The following CAPSL variants were observed in gnomAD, a reference collection of about 807,000 sequenced individuals.
CAPSL encodes the protein calcyphosin-like protein.
A neutral mutation model predicts 21.3 loss-of-function variants in CAPSL; 17 were observed. The observed-to-expected ratio is 0.80, with a 90% CI of 0.55 to 1.20. CAPSL has a LOEUF of 1.20. CAPSL is among the 50% of genes most tolerant of loss of function. The pLI is 0.00. For missense variants in CAPSL, 289 were observed against 259.3 expected, an observed-to-expected ratio of 1.11 and a Z score of -0.79; for synonymous variants, 102 against 89.3, an observed-to-expected ratio of 1.14 and a Z score of -0.80.
intron 2 of CAPSL, among the ~76,000 whole-genome samples, chr5:35,912,629 A>G (rs932268770): frequency 1.3e-4 from 20 of 152,260 alleles, no homozygotes; most frequent in Non-Finnish European, 2.8e-4. Flanking sequence ...GCAAACTCCA[A>G]CAGACCTGCA....
rs762377720 is a variant in CAPSL, at chr5:35,910,031, A to G, written c.360T>C (p.Phe120=). 1.2e-6 allele frequency: 2 copies of G among 1,613,164 alleles called. No individual in the cohort carries two copies. The highest frequency in any genetic ancestry group is 1.7e-6 in the Non-Finnish European group (2 of 1,179,724). Residue 120 remains phenylalanine, a synonymous_variant, in exon 4 of 5, where the codon TTT becomes TTC. Transcript: ENST00000651391. ...CATCTCCAGTCTTGTCTAACTTTCT[A>G]AAAGCTTGCATGATTACCTCTTTTC... ...RARKEVIMQA[F]RKLDKTGDGV... is the part of the protein sequence containing the mutation.
chr5:35,904,511 G>GTCT lies in CAPSL; in HGVS notation c.*33_*34insAGA, dbSNP rs1267539867. The GTCT allele has an allele frequency of 2.0e-6, 3 of 1,477,134 alleles. No homozygotes were observed. Among genetic ancestry groups the GTCT allele is most frequent in the Non-Finnish European group, 2.8e-6 (3 of 1,060,654 alleles). The allele number at this position is 1,477,134 out of a possible 1,614,324, so 91.5% of individuals were successfully genotyped here. On this transcript the variant is annotated 3_prime_UTR_variant, in exon 5 of 5. Coordinates refer to ENST00000651391, the MANE Select transcript of CAPSL (RefSeq NM_001042625.2). ...GACATTTAGTCATTTGGAGCCACAT[G>GTCT]GCTGTCCCAGGGCCTGGTCCCCAGG...
chr5:35,905,226 C>A (rs930642079), intron 4 of CAPSL, among the ~76,000 whole-genome samples: 1 of 152,206 alleles, frequency 6.6e-6, no homozygotes, highest in Non-Finnish European at 1.5e-5. Context: ...CCACTCTACA[C>A]CCATGACCAT....
intron 2 of CAPSL, among the ~76,000 whole-genome samples, chr5:35,915,882 G>A (rs1266965335): frequency 6.6e-6 from 1 of 152,178 alleles, no homozygotes; most frequent in African/African-American, 2.4e-5. Flanking sequence ...ACAGGAGCAG[G>A]AAACAAATGG....
chr5:35,908,475 T>A (rs766220322), intron 4 of CAPSL, among the ~76,000 whole-genome samples: 2 of 152,200 alleles, frequency 1.3e-5, no homozygotes, highest in Non-Finnish European at 2.9e-5. Flanking sequence ...GAATCACAAC[T>A]GGCTATTTTG....
At chr5:35,915,540 G>C (rs571793777) in intron 2 of CAPSL, among the ~76,000 whole-genome samples, 1 of 152,184 alleles carries the variant, frequency 6.6e-6, no homozygotes, top group Non-Finnish European at 1.5e-5. Context: ...TCCCTGGGAT[G>C]CAAGGCTGGT....
intron 1 of CAPSL, among the ~76,000 whole-genome samples, chr5:35,930,178 C>T (rs142163083): frequency 2.0e-5 from 3 of 152,210 alleles, no homozygotes; most frequent in Non-Finnish European, 2.9e-5. Flanking sequence ...AAGATGTCAC[C>T]GAAGTCTGGC....
chr5:35,920,879 C>T, intron 2 of CAPSL, 105 bp downstream of exon 2: 1 of 1,177,300 alleles, frequency 8.5e-7, no homozygotes, highest in Non-Finnish European at 1.2e-6. Flanking sequence ...GAACTGAGCC[C>T]CTAGGAGGAG....
intron 2 of CAPSL, among the ~76,000 whole-genome samples, chr5:35,919,170 A>AATATATATATAT: frequency 8.2e-6 from 1 of 121,276 alleles, no homozygotes; most frequent in South Asian, 2.6e-4. Context: ...TAAAAAAAAA[A>AATATATATATAT]ATATATATAT....
intron 2 of CAPSL, among the ~76,000 whole-genome samples, chr5:35,916,595 C>G (rs887993844): frequency 8.5e-4 from 129 of 152,184 alleles, no homozygotes; most frequent in African/African-American, 3.0e-3. Flanking sequence ...ACAAACCTGA[C>G]AAAAACAAGT....
intron 4 of CAPSL, among the ~76,000 whole-genome samples, chr5:35,906,579 G>T (rs769956044): frequency 7.9e-5 from 12 of 152,106 alleles, no homozygotes; most frequent in Non-Finnish European, 1.3e-4. Flanking sequence ...AAATCACAAA[G>T]ACTTCAGCTC....
chr5:35,913,265 C>G (rs1232102241), intron 2 of CAPSL, among the ~76,000 whole-genome samples: 1 of 152,122 alleles, frequency 6.6e-6, no homozygotes, highest in Non-Finnish European at 1.5e-5. Flanking sequence ...GAGAAAGGAA[C>G]CAAGTTGGAA....
At chr5:35,934,654 C>T (rs1166498767) in intron 1 of CAPSL, among the ~76,000 whole-genome samples, 1 of 152,176 alleles carries the variant, frequency 6.6e-6, no homozygotes, top group Non-Finnish European at 1.5e-5. Flanking sequence ...CAAAGGCAGC[C>T]CTCCCTACAG....
intron 1 of CAPSL, among the ~76,000 whole-genome samples, chr5:35,937,044 C>T (rs1369898198): frequency 6.6e-6 from 1 of 152,196 alleles, no homozygotes; most frequent in Non-Finnish European, 1.5e-5. Flanking sequence ...GCAGCTAAGT[C>T]CTATAGAGTT....
At chr5:35,937,230 G>C (rs1245600890) in intron 1 of CAPSL, among the ~76,000 whole-genome samples, 2 of 152,164 alleles carry the variant, frequency 1.3e-5, no homozygotes, top group Non-Finnish European at 2.9e-5. Context: ...GCAATCTTTA[G>C]AAAATGAAAA....
At chr5:35,924,835 G>A (rs778596991) in intron 1 of CAPSL, among the ~76,000 whole-genome samples, 4 of 152,186 alleles carry the variant, frequency 2.6e-5, no homozygotes, top group Non-Finnish European at 5.9e-5. Context: ...GGCTTTTAAG[G>A]AAGGCAGGAT....
At chr5:35,910,235 G>T (rs2287899) in intron 3 of CAPSL, 131 bp downstream of exon 3, 3 of 1,166,006 alleles carry the variant, frequency 2.6e-6, no homozygotes, top group Non-Finnish European at 3.6e-6. Context: ...TCCTAAGTCT[G>T]TTCACAGTTT....
rs533848490 is a variant in CAPSL at position 35,929,073 on chromosome 5, A to T, written c.1-7953T>A. Among the ~76,000 whole-genome samples, 7 of 152,208 alleles carry T rather than the reference A, an allele frequency of 4.6e-5. No individual in the cohort carries two copies. In the East Asian group the frequency reaches 1.4e-3, roughly 29 times the overall value. ...CAGGGCAAGATAAAGGCATGAAGAG[A>T]AGAGGTAGTAAATACAGTTGTAACT... is the stretch of plus-strand genomic sequence containing the variant. On this transcript the variant is annotated intron_variant, in intron 1 of 4. Coordinates refer to ENST00000651391, the MANE Select transcript of CAPSL (RefSeq NM_001042625.2).
chr5:35,923,179 C>T (rs746334053), intron 1 of CAPSL, among the ~76,000 whole-genome samples: 19 of 152,204 alleles, frequency 1.2e-4, no homozygotes, highest in Non-Finnish European at 2.4e-4. Context: ...ACCTTGTCCA[C>T]CTTATTCATT....
Sources: allele counts gnomAD v4.1 joint callset (sites outside exome capture counted in the v4.1 genomes callset), GRCh38; gene constraint gnomAD v4.1.1; transcripts MANE v1.5; gene names NCBI Gene and HGNC (gene_info 2026-07-23, HGNC 2026-07-21).